The following GABRG3 variants were observed in gnomAD, a reference collection of about 807,000 sequenced individuals.
The protein encoded by GABRG3 is gamma-aminobutyric acid receptor subunit gamma-3.
Under a neutral mutation model 48.8 loss-of-function variants are expected in GABRG3, and 25 were observed. The ratio of observed to expected loss-of-function variants is 0.51; its 90% CI spans 0.37 to 0.72. The LOEUF (loss-of-function observed/expected upper bound fraction) is 0.72. Among genes scored for constraint, GABRG3 ranks in the 30% least tolerant of loss-of-function variants. GABRG3 has a pLI of 0.00. For synonymous variants in GABRG3, 227 were observed against 217.6 expected (o/e 1.04, Z -0.38); for missense variants, 394 against 577.9 (o/e 0.68, Z 3.26).
At chr15:27,472,477 T>C (rs1252627366) in intron 5 of GABRG3, among the ~76,000 whole-genome samples, 1 of 152,142 alleles carries the variant, frequency 6.6e-6, no homozygotes, top group East Asian at 1.9e-4. Flanking sequence ...TGTTTCACCA[T>C]GTTGGCCAGG....
At chr15:27,200,339 G>A (rs1888642822) in intron 3 of GABRG3, among the ~76,000 whole-genome samples, 2 of 152,184 alleles carry the variant, frequency 1.3e-5, no homozygotes, top group South Asian at 4.1e-4. Flanking sequence ...AGCCATATTA[G>A]AAACACTACC....
intron 3 of GABRG3, among the ~76,000 whole-genome samples, chr15:27,184,903 T>C (rs1437062640): frequency 1.8e-4 from 27 of 152,196 alleles, no homozygotes; most frequent in Admixed American, 1.7e-3. Flanking sequence ...ACTCCTGATA[T>C]TTGGCAATTT....
chr15:27,355,261 T>C (rs916106851), intron 5 of GABRG3, among the ~76,000 whole-genome samples: 2 of 152,354 alleles, frequency 1.3e-5, no homozygotes, highest in African/African-American at 4.8e-5. Context: ...AATTAAAGCA[T>C]GTGAGTGTGC....
chr15:27,359,904 C>T (rs745528654), intron 5 of GABRG3, among the ~76,000 whole-genome samples: 1 of 152,142 alleles, frequency 6.6e-6, no homozygotes, highest in Non-Finnish European at 1.5e-5. Flanking sequence ...TTTCCATATA[C>T]GTTTTTCTTG....
At chr15:27,143,617 G>A (rs890191564) in intron 3 of GABRG3, among the ~76,000 whole-genome samples, 5 of 152,218 alleles carry the variant, frequency 3.3e-5, no homozygotes, top group Non-Finnish European at 5.9e-5. Context: ...CATTTGAGAT[G>A]ATGCCGTGGA....
Position 27,038,224 on chromosome 15 carries a change from T to A in GABRG3, c.270+11403T>A, listed in dbSNP as rs537062758. Among the ~76,000 whole-genome samples, 6 of 152,212 alleles carry A rather than the reference T, an allele frequency of 3.9e-5. No homozygotes were observed. In the East Asian group the frequency reaches 1.2e-3, roughly 29 times the overall value. ...GAAGTCCAAGTCTAAGACTGGGAAG[T>A]CCAAGATCAAGGTGCTGGCAGGTGC... is the stretch of plus-strand genomic sequence containing the variant. On this transcript the variant is annotated intron_variant, in intron 3 of 9. Transcript: ENST00000615808.
At chr15:27,327,076 TC>T (rs1893641467) in intron 4 of GABRG3, 47 bp downstream of exon 4, 1 of 1,501,102 alleles carries the variant, frequency 6.7e-7, no homozygotes, top group Admixed American at 1.9e-5. Context: ...TAAAATGGGA[TC>T]CTTAATTTGA....
At chr15:27,439,092 C>T (rs1314312011) in intron 5 of GABRG3, among the ~76,000 whole-genome samples, 2 of 152,196 alleles carry the variant, frequency 1.3e-5, no homozygotes, top group Non-Finnish European at 2.9e-5. Context: ...TCCTCCTCCT[C>T]TCTACTTCTA....
chr15:27,424,509 G>A (rs1034647974), intron 5 of GABRG3, among the ~76,000 whole-genome samples: 5 of 147,606 alleles, frequency 3.4e-5, no homozygotes, highest in African/African-American at 1.3e-4. Flanking sequence ...TCCCATTCAT[G>A]AGAGATCTAC....
intron 3 of GABRG3, among the ~76,000 whole-genome samples, chr15:27,256,301 T>C (rs1890613602): frequency 6.6e-6 from 1 of 151,300 alleles, no homozygotes; most frequent in Non-Finnish European, 1.5e-5. Context: ...ATTAGCCGGG[T>C]GCGATGGAGG....
chr15:27,403,926 A>ACC (rs1566825965), intron 5 of GABRG3, among the ~76,000 whole-genome samples: 3 of 126,824 alleles, frequency 2.4e-5, no homozygotes, highest in African/African-American at 3.8e-5. Flanking sequence ...AAAAAAAAAA[A>ACC]AACAAAAAAA....
intron 3 of GABRG3, among the ~76,000 whole-genome samples, chr15:27,277,376 A>G (rs1891290771): frequency 6.6e-6 from 1 of 152,196 alleles, no homozygotes; most frequent in Admixed American, 6.5e-5. Context: ...CTCCCTAATA[A>G]CTATGTAACA....
At chr15:27,437,914 G>A (rs2140629357) in intron 5 of GABRG3, among the ~76,000 whole-genome samples, 1 of 152,196 alleles carries the variant, frequency 6.6e-6, no homozygotes, top group East Asian at 1.9e-4. Flanking sequence ...GAGAGGAGGA[G>A]GTTCCAGGCT....
At chr15:27,407,137 G>A (rs908421037) in intron 5 of GABRG3, among the ~76,000 whole-genome samples, 1 of 152,116 alleles carries the variant, frequency 6.6e-6, no homozygotes, top group Non-Finnish European at 1.5e-5. Flanking sequence ...ATGTTGATCA[G>A]ACTGGTCTTG....
At chr15:27,365,255 A>G (rs535002839) in intron 5 of GABRG3, 8 of 151,984 alleles carry the variant, frequency 5.3e-5, no homozygotes, top group African/African-American at 1.7e-4. Context: ...TTTAAATTTC[A>G]CCATTTGTCC....
At chr15:27,410,886 GTGTT>G (rs1460886176) in intron 5 of GABRG3, among the ~76,000 whole-genome samples, 1 of 137,668 alleles carries the variant, frequency 7.3e-6, no homozygotes, top group Non-Finnish European at 1.6e-5. Flanking sequence ...GTGTGTGTGT[GTGTT>G]GGAATGCTTT....
chr15:27,435,005 C>G (rs1888566689), intron 5 of GABRG3, among the ~76,000 whole-genome samples: 2 of 152,054 alleles, frequency 1.3e-5, no homozygotes, highest in Non-Finnish European at 2.9e-5. Context: ...ACGCAACATG[C>G]CAAGCTCTCT....
At chr15:27,089,340 A>G (rs1897146036) in intron 3 of GABRG3, among the ~76,000 whole-genome samples, 1 of 152,116 alleles carries the variant, frequency 6.6e-6, no homozygotes, top group Non-Finnish European at 1.5e-5. Flanking sequence ...TGCAGTCCCC[A>G]TGGTATAGAC....
At chr15:27,516,719 G>A (rs942270230) in intron 6 of GABRG3, among the ~76,000 whole-genome samples, 6 of 152,160 alleles carry the variant, frequency 3.9e-5, no homozygotes. Flanking sequence ...GGAACTACCA[G>A]ATATGGAACT....
Sources: gnomAD v4.1 joint callset for allele counts (sites outside exome capture counted in the v4.1 genomes callset) on GRCh38, gnomAD v4.1.1 for gene constraint, MANE v1.5 for transcripts, NCBI Gene and HGNC (gene_info 2026-07-23, HGNC 2026-07-21) for gene names.